UTS2: variants seen among roughly 807,000 people sequenced by gnomAD.
The protein encoded by UTS2 is urotensin-2.
Under a neutral mutation model 12.6 loss-of-function variants are expected in UTS2, and 10 were observed. The ratio of observed to expected loss-of-function variants is 0.80; its 90% CI spans 0.49 to 1.35. The LOEUF (loss-of-function observed/expected upper bound fraction) is 1.35, where lower values mean the gene tolerates loss of function less well. Among genes scored for constraint, UTS2 ranks in the 40% most tolerant of loss-of-function variants. UTS2 has a pLI of 0.00. For synonymous variants in UTS2, 52 were observed against 50.0 expected, an observed-to-expected ratio of 1.04 and a Z score of -0.17; for missense variants, 142 against 143.2, an observed-to-expected ratio of 0.99 and a Z score of 0.04.
chr1:7,902,429 C>T, the UTS2 span, among the ~76,000 whole-genome samples: 1 of 152,170 alleles, frequency 6.6e-6, no homozygotes, highest in African/African-American at 2.4e-5. Flanking sequence ...CCATTCACAT[C>T]ACAGGGGCCT....
chr1:7,849,551 C>A, intron 3 of UTS2, 89 bp downstream of exon 3: 1 of 1,194,182 alleles, frequency 8.4e-7, no homozygotes, highest in Non-Finnish European at 1.2e-6. Flanking sequence ...CCACCAAGAA[C>A]ACTCCTCTAG....
chr1:7,876,260 G>A, the UTS2 span, among the ~76,000 whole-genome samples: 35 of 152,220 alleles, frequency 2.3e-4, no homozygotes, highest in South Asian at 1.0e-3. Context: ...CTTACACCAC[G>A]GGGGATATTG....
chr1:7,911,254 C>T, the UTS2 span, among the ~76,000 whole-genome samples: 4 of 152,110 alleles, frequency 2.6e-5, no homozygotes, highest in Non-Finnish European at 4.4e-5. Flanking sequence ...ATCATAATTG[C>T]ACTGAATTAT....
At chr1:7,901,240 G>A in the UTS2 span, among the ~76,000 whole-genome samples, 5 of 152,206 alleles carry the variant, frequency 3.3e-5, no homozygotes, top group Admixed American at 2.6e-4. Flanking sequence ...GAAGACTACT[G>A]CAGTAATCCA....
At chr1:7,853,458 T>C, upstream of UTS2, 2 of 1,607,264 alleles carry the variant, frequency 1.2e-6, no homozygotes, top group Non-Finnish European at 1.7e-6. Context: ...AGTGAGTAGA[T>C]GAGTTGCCAT....
chr1:7,866,373 C>T, the UTS2 span, among the ~76,000 whole-genome samples: 1 of 152,228 alleles, frequency 6.6e-6, no homozygotes, highest in African/African-American at 2.4e-5. This position sits in a 1 kb window ranked among gnomAD's most constrained non-coding sequence, Gnocchi z 4.5. Flanking sequence ...TGAGCGTGAG[C>T]GTGGAGAGCT....
At chr1:7,848,849 A>G (rs1001006232) in intron 3 of UTS2, among the ~76,000 whole-genome samples, 3 of 152,170 alleles carry the variant, frequency 2.0e-5, no homozygotes, top group Non-Finnish European at 2.9e-5. Context: ...TGTCTGGAGC[A>G]TGGCCTTCCT....
the UTS2 span, among the ~76,000 whole-genome samples, chr1:7,858,946 A>AAATTGATAGG: frequency 6.6e-6 from 1 of 152,182 alleles, no homozygotes; most frequent in Non-Finnish European, 1.5e-5. Flanking sequence ...CCATGAAGAG[A>AAATTGATAGG]AATTGATAGG....
chr1:7,907,534 C>T, the UTS2 span, among the ~76,000 whole-genome samples: 4 of 151,480 alleles, frequency 2.6e-5, no homozygotes, highest in East Asian at 3.9e-4. Context: ...AATTAGAAGT[C>T]GTAGCTACTC....
chr1:7,870,108 G>A, the UTS2 span, among the ~76,000 whole-genome samples: 7 of 152,132 alleles, frequency 4.6e-5, no homozygotes, highest in South Asian at 2.1e-4. Context: ...TCGCTGTTAC[G>A]TGCTGAGTTG....
chr1:7,862,346 G>C, the UTS2 span, among the ~76,000 whole-genome samples: 3 of 151,992 alleles, frequency 2.0e-5, no homozygotes, highest in African/African-American at 7.2e-5. Flanking sequence ...GCCTGTCTAG[G>C]TCCATTTACT....
chr1:7,850,782 G>C (rs2097413134), intron 2 of UTS2, 30 bp downstream of exon 2: 1 of 1,604,724 alleles, frequency 6.2e-7, no homozygotes, highest in East Asian at 2.2e-5. Flanking sequence ...AATTAAATCA[G>C]ACACGCTATA....
At chr1:7,856,346 A>G (rs1470499309), upstream of UTS2, among the ~76,000 whole-genome samples, 2 of 152,244 alleles carry the variant, frequency 1.3e-5, no homozygotes, top group African/African-American at 4.8e-5. Context: ...ATGAAGAACA[A>G]TAACAAGGAG....
the UTS2 span, among the ~76,000 whole-genome samples, chr1:7,864,048 T>G: frequency 6.6e-6 from 1 of 152,260 alleles, no homozygotes; most frequent in African/African-American, 2.4e-5. Context: ...CTCGAGGCAC[T>G]TCCACCGCCG....
At chr1:7,866,174 C>A in the UTS2 span, among the ~76,000 whole-genome samples, 17 of 152,284 alleles carry the variant, frequency 1.1e-4, no homozygotes, top group African/African-American at 3.8e-4. This position sits in a 1 kb window ranked among gnomAD's most constrained non-coding sequence, Gnocchi z 4.5. Context: ...TTGGGGGTTG[C>A]TGTGGCCCGG....
At chr1:7,870,796 C>T in the UTS2 span, among the ~76,000 whole-genome samples, 2 of 152,200 alleles carry the variant, frequency 1.3e-5, no homozygotes, top group African/African-American at 4.8e-5. Flanking sequence ...ATTACTTTTC[C>T]ATTGTCAACA....
chr1:7,872,027 C>T, the UTS2 span, among the ~76,000 whole-genome samples: 1 of 152,026 alleles, frequency 6.6e-6, no homozygotes, highest in East Asian at 1.9e-4. Context: ...TTTGGCCGGG[C>T]GCGGTGGCTC....
chr1:7,865,878 A>T, the UTS2 span, among the ~76,000 whole-genome samples: 2 of 152,300 alleles, frequency 1.3e-5, no homozygotes, highest in South Asian at 4.1e-4. Flanking sequence ...CAGGGCTGCC[A>T]TGAGCCAAGA....
the UTS2 span, among the ~76,000 whole-genome samples, chr1:7,868,686 T>C: frequency 6.6e-6 from 1 of 152,340 alleles, no homozygotes; most frequent in South Asian, 2.1e-4. Context: ...ACAATGATGA[T>C]GTTATTAACA....
Sources: allele counts gnomAD v4.1 joint callset (sites outside exome capture counted in the v4.1 genomes callset), GRCh38; gene constraint gnomAD v4.1.1; non-coding constraint Gnocchi (gnomAD v3.1); transcripts MANE v1.5; gene names NCBI Gene and HGNC (gene_info 2026-07-23, HGNC 2026-07-21).